The following PLCG2 variants were observed in gnomAD, a reference collection of about 807,000 sequenced individuals.
PLCG2 encodes phospholipase C gamma 2, also known as 1-phosphatidylinositol 4,5-bisphosphate phosphodiesterase gamma-2.
Under a neutral mutation model 175.6 loss-of-function variants are expected in PLCG2, and 69 were observed. The ratio of observed to expected loss-of-function variants is 0.39; its 90% CI spans 0.32 to 0.48. The LOEUF is 0.48. Among genes scored for constraint, PLCG2 ranks in the 20% least tolerant of loss-of-function variants. PLCG2 has a pLI of 0.91. For missense variants in PLCG2, 1,798 were observed against 1,650.9 expected, an observed-to-expected ratio of 1.09 and a Z score of -1.54; for synonymous variants, 827 against 624.0, an observed-to-expected ratio of 1.33 and a Z score of -4.85.
chr16:81,918,266 A>C (rs1347087963), intron 19 of PLCG2, among the ~76,000 whole-genome samples: 1 of 152,182 alleles, frequency 6.6e-6, no homozygotes, highest in Non-Finnish European at 1.5e-5. Flanking sequence ...TCTGAAAAAT[A>C]ATTGCCCAGA....
chr16:81,745,242 G>A (rs752083179), intron 1 of PLCG2, among the ~76,000 whole-genome samples: 14 of 152,150 alleles, frequency 9.2e-5, no homozygotes, highest in Non-Finnish European at 1.6e-4. Flanking sequence ...CCACTGATTG[G>A]CCGGGAAGGG....
chr16:81,854,471 G>T lies in PLCG2; in HGVS notation c.221G>T (p.Arg74Leu). ...GATATCATGGAAATAAAAGAAATCC[G>T]CCCAGGGAAGAACTCCAAAGATTTC... The part of the protein sequence containing the change: ...FLDIMEIKEI[R>L]PGKNSKDFER... The change falls in exon 3 of 33, where the codon CGC becomes CTC. Residue 74 changes from arginine (R) to leucine (L), a missense_variant. Coordinates refer to ENST00000564138, the MANE Select transcript of PLCG2 (RefSeq NM_002661.5). 1 of 1,613,976 alleles carries T rather than the reference G, an allele frequency of 6.2e-7. No homozygotes were observed. Among genetic ancestry groups the T allele is most frequent in the East Asian group, 2.2e-5 (1 of 44,876 alleles).
intron 2 of PLCG2, among the ~76,000 whole-genome samples, chr16:81,773,977 C>G (rs7185350): frequency 1.3e-5 from 2 of 151,510 alleles, no homozygotes; most frequent in South Asian, 2.1e-4. Context: ...GCAGGCACTC[C>G]GCAAATGTTT....
chr16:81,895,988 A>G (rs1908868923), intron 13 of PLCG2, 61 bp downstream of exon 13: 1 of 1,594,464 alleles, frequency 6.3e-7, no homozygotes, highest in South Asian at 1.1e-5. Context: ...GGTTGGATAG[A>G]CAGATGGACA....
intron 1 of PLCG2, among the ~76,000 whole-genome samples, chr16:81,744,441 G>A (rs1909663920): frequency 6.6e-6 from 1 of 152,078 alleles, no homozygotes; most frequent in Non-Finnish European, 1.5e-5. Context: ...GGGATTACAG[G>A]CGTGAGCCAC....
At chr16:81,834,329 G>T (rs1024750798) in intron 2 of PLCG2, among the ~76,000 whole-genome samples, 4 of 152,240 alleles carry the variant, frequency 2.6e-5, no homozygotes, top group Middle Eastern at 3.4e-3. Flanking sequence ...TCGGTGTTCT[G>T]CTGGCTGCTG....
At position 81,910,714 on chromosome 16, in the gene PLCG2, C is replaced by G. The variant is rs1567528696; in HGVS notation, c.1928C>G (p.Ser643Cys). Reference sequence around the variant, plus strand: ...GTGCCCAACCCCAACCCCCACGAGTCCAAGCCGTACGTGTCTGAGGGTGGA... The same window carrying G: ...GTGCCCAACCCCAACCCCCACGAGTGCAAGCCGTACGTGTCTGAGGGTGGA... ...DPVPNPNPHE[S>C]KPWYYDSLSR... Residue 643 changes from serine to cysteine, a missense_variant, in exon 18 of 33, where the codon TCC (serine) becomes TGC (cysteine). Coordinates refer to ENST00000564138, the MANE Select transcript of PLCG2 (RefSeq NM_002661.5). 1 of 1,607,986 alleles carries G rather than the reference C, an allele frequency of 6.2e-7. No individual in the cohort carries two copies. Among genetic ancestry groups the G allele is most frequent in the Middle Eastern group, 1.6e-4 (1 of 6,062 alleles).
chr16:81,882,961 C>T (rs1000270284), intron 8 of PLCG2, among the ~76,000 whole-genome samples: 4 of 151,142 alleles, frequency 2.6e-5, no homozygotes, highest in Non-Finnish European at 4.4e-5. Context: ...CACCTGTCTT[C>T]CCCATGGCCA....
intron 2 of PLCG2, among the ~76,000 whole-genome samples, chr16:81,845,984 G>C (rs1410832850): frequency 1.3e-5 from 2 of 152,134 alleles, no homozygotes; most frequent in Non-Finnish European, 2.9e-5. Flanking sequence ...TTGTAAAATA[G>C]GGGCAGTCAT....
upstream of PLCG2, among the ~76,000 whole-genome samples, chr16:81,776,334 C>T (rs939305875): frequency 1.3e-5 from 2 of 151,812 alleles, no homozygotes; most frequent in African/African-American, 4.8e-5. Flanking sequence ...TGGTCTTGAT[C>T]TTCCAACCTC....
intron 2 of PLCG2, among the ~76,000 whole-genome samples, chr16:81,841,904 A>C (rs1364118781): frequency 6.6e-6 from 1 of 152,198 alleles, no homozygotes; most frequent in East Asian, 1.9e-4. Flanking sequence ...GGGGCTTTTT[A>C]CTTAAAGTGA....
intron 1 of PLCG2, among the ~76,000 whole-genome samples, chr16:81,751,927 T>A (rs1338025960): frequency 6.6e-6 from 1 of 151,918 alleles, no homozygotes; most frequent in African/African-American, 2.4e-5. Flanking sequence ...GAGGCTGAGG[T>A]GGGAGATTTG....
chr16:81,868,552 C>T (rs935010789), intron 5 of PLCG2, among the ~76,000 whole-genome samples: 5 of 152,134 alleles, frequency 3.3e-5, no homozygotes, highest in Admixed American at 6.5e-5. Flanking sequence ...CTTGTTCATC[C>T]ATTCATGTGT....
chr16:81,820,451 G>A (rs1023957127), intron 2 of PLCG2, among the ~76,000 whole-genome samples: 1 of 152,132 alleles, frequency 6.6e-6, no homozygotes, highest in African/African-American at 2.4e-5. Flanking sequence ...GACTTCTTTT[G>A]TGTGATGTTC....
chr16:81,742,301 G>A (rs1455077124), intron 1 of PLCG2, among the ~76,000 whole-genome samples: 1 of 152,134 alleles, frequency 6.6e-6, no homozygotes, highest in Non-Finnish European at 1.5e-5. Context: ...CCTGCTAGGT[G>A]CCAGGCAGTG....
intron 2 of PLCG2, among the ~76,000 whole-genome samples, chr16:81,789,676 C>T (rs1911139086): frequency 6.6e-6 from 1 of 152,176 alleles, no homozygotes. Context: ...TATTTCACCA[C>T]TTTGGCTGGG....
At chr16:81,746,494 G>A (rs1259075535) in intron 1 of PLCG2, among the ~76,000 whole-genome samples, 1 of 152,214 alleles carries the variant, frequency 6.6e-6, no homozygotes, top group Non-Finnish European at 1.5e-5. Flanking sequence ...TAGTCCAAGA[G>A]CCAGGGGTGG....
At chr16:81,780,671 G>A (rs1910689011) in intron 1 of PLCG2, among the ~76,000 whole-genome samples, 1 of 152,228 alleles carries the variant, frequency 6.6e-6, no homozygotes, top group African/African-American at 2.4e-5. Context: ...CAGACCCCAT[G>A]AATAGCCCTT....
At chr16:81,843,707 G>A (rs1309752715) in intron 2 of PLCG2, among the ~76,000 whole-genome samples, 1 of 152,118 alleles carries the variant, frequency 6.6e-6, no homozygotes, top group Non-Finnish European at 1.5e-5. Flanking sequence ...CAACTACCTT[G>A]TACTGTAATG....
Sources: allele counts gnomAD v4.1 joint callset (sites outside exome capture counted in the v4.1 genomes callset), GRCh38; gene constraint gnomAD v4.1.1; transcripts MANE v1.5; gene names NCBI Gene and HGNC (gene_info 2026-07-23, HGNC 2026-07-21).